Variants in ALOX5 observed in about 807,000 individuals in gnomAD.
ALOX5 encodes the protein polyunsaturated fatty acid 5-lipoxygenase.
In ALOX5, 64 loss-of-function variants were observed where a neutral mutation model predicts 87.9. The ratio of observed to expected loss-of-function variants is 0.73; its 90% CI spans 0.60 to 0.90. ALOX5 has a LOEUF of 0.90. Ranked by LOEUF, ALOX5 falls within the 40% of genes least tolerant of loss-of-function variation. The probability of loss-of-function intolerance (pLI) is 0.00; values close to 1 mark genes in which losing one functional copy is unlikely to be tolerated. For missense variants in ALOX5, 822 were observed against 907.5 expected (o/e 0.91, Z 1.21); for synonymous variants, 388 against 355.1 (o/e 1.09, Z -1.04).
chr10:45,413,377 T>C (rs1481388699), intron 4 of ALOX5, among the ~76,000 whole-genome samples: 1 of 152,166 alleles, frequency 6.6e-6, no homozygotes, highest in African/African-American at 2.4e-5. Flanking sequence ...AAAAGGCCTT[T>C]GACAAAATTC....
chr10:45,443,429 G>A lies in ALOX5; in HGVS notation c.1465G>A (p.Val489Met). ...WEAIRTFTAEVVDIYYEGDQV... is the reference protein window; with the variant it reads ...WEAIRTFTAEMVDIYYEGDQV... Reference sequence around the variant, plus strand: ...CCCCTGAGCCAGGTTCACGGCCGAGGTGGTAGACATCTACTACGAGGGCGA... The same window carrying A: ...CCCCTGAGCCAGGTTCACGGCCGAGATGGTAGACATCTACTACGAGGGCGA... The change falls in exon 11 of 14, where the codon GTG becomes ATG. Residue 489 changes from valine (V) to methionine (M), a missense_variant. Transcript: ENST00000374391. 3 of 1,607,304 alleles carry A rather than the reference G, an allele frequency of 1.9e-6. No homozygotes were observed. The highest frequency in any genetic ancestry group is 1.3e-5 in the African/African-American group (1 of 74,986).
At chr10:45,407,123 C>T (rs1386834018) in intron 3 of ALOX5, among the ~76,000 whole-genome samples, 1 of 152,068 alleles carries the variant, frequency 6.6e-6, no homozygotes, top group Non-Finnish European at 1.5e-5. Flanking sequence ...CAAACAAATT[C>T]CCCTGCCCTC....
chr10:45,422,868 C>T (rs1478804720), intron 4 of ALOX5, among the ~76,000 whole-genome samples: 1 of 152,208 alleles, frequency 6.6e-6, no homozygotes, highest in African/African-American at 2.4e-5. Context: ...GCCAGCCAAT[C>T]CACTTGCTGG....
At chr10:45,435,198 T>A (rs1388796615) in intron 7 of ALOX5, among the ~76,000 whole-genome samples, 1 of 150,744 alleles carries the variant, frequency 6.6e-6, no homozygotes, top group Non-Finnish European at 1.5e-5. Context: ...GGGAGAGTGA[T>A]GGGCTGAAAT....
intron 4 of ALOX5, among the ~76,000 whole-genome samples, chr10:45,416,103 A>G (rs1841280853): frequency 6.6e-6 from 1 of 152,198 alleles, no homozygotes; most frequent in Non-Finnish European, 1.5e-5. Flanking sequence ...CAGACTTCAA[A>G]GCTTAAAATA....
intron 3 of ALOX5, among the ~76,000 whole-genome samples, chr10:45,403,595 A>G (rs1840777619): frequency 6.6e-6 from 1 of 152,208 alleles, no homozygotes. Context: ...GTGCATATAT[A>G]CATATCCATA....
At chr10:45,434,212 T>A (rs1211513793) in intron 7 of ALOX5, among the ~76,000 whole-genome samples, 1 of 152,162 alleles carries the variant, frequency 6.6e-6, no homozygotes, top group African/African-American at 2.4e-5. Context: ...CTTTATTGTT[T>A]AAGTGTTCTG....
intron 4 of ALOX5, among the ~76,000 whole-genome samples, chr10:45,415,132 A>C (rs1201721945): frequency 6.6e-6 from 1 of 152,228 alleles, no homozygotes; most frequent in African/African-American, 2.4e-5. Flanking sequence ...AGACACATGC[A>C]CACGTATGTT....
chr10:45,441,229 C>G (rs1842224292), intron 8 of ALOX5, 115 bp from the exon 9 acceptor site: 2 of 858,248 alleles, frequency 2.3e-6, no homozygotes, highest in East Asian at 4.9e-5. Flanking sequence ...TTCACTTCCT[C>G]CCTGCGCCCA....
In ALOX5 at chr10:45,441,510, C is replaced by A. The variant is rs41519248; in HGVS notation, c.1272+80C>A. On this transcript the variant is annotated intron_variant, in intron 9 of 13. Coordinates refer to ENST00000374391, the MANE Select transcript of ALOX5 (RefSeq NM_000698.5). Reference sequence around the variant, plus strand: ...CACTCCCTATCTGAGATCTAGACACCCTTTCAGGAGGCCTGGAAGGGTGAA... The same window carrying A: ...CACTCCCTATCTGAGATCTAGACACACTTTCAGGAGGCCTGGAAGGGTGAA... The A allele has an allele frequency of 4.9e-6, 7 of 1,417,678 alleles. No homozygotes were observed. In the East Asian group the frequency reaches 1.2e-4, roughly 23 times the overall value. 87.8% of individuals were successfully genotyped at this position (1,417,678 alleles called of 1,614,324 possible).
chr10:45,397,498 G>T (rs1051939848), intron 3 of ALOX5, among the ~76,000 whole-genome samples: 1 of 152,162 alleles, frequency 6.6e-6, no homozygotes, highest in African/African-American at 2.4e-5. Flanking sequence ...GTACTGGAGG[G>T]TCTAGCCAGC....
chr10:45,434,315 ACCC>A (rs1345394838), intron 7 of ALOX5, among the ~76,000 whole-genome samples: 1 of 152,114 alleles, frequency 6.6e-6, no homozygotes, highest in Non-Finnish European at 1.5e-5. Flanking sequence ...ACATACCCAA[ACCC>A]CCAAGGCTCA....
intron 2 of ALOX5, among the ~76,000 whole-genome samples, chr10:45,394,458 G>A (rs1460000505): frequency 1.3e-5 from 2 of 152,226 alleles, no homozygotes; most frequent in Non-Finnish European, 1.5e-5. Flanking sequence ...ATTAATTCAA[G>A]GTGGATTAAA....
intron 6 of ALOX5, chr10:45,428,268 TTTTTTGGCATTTAACTCGTCACATCTA>T (rs1841799894): frequency 3.4e-6 from 1 of 297,130 alleles, no homozygotes; most frequent in South Asian, 6.6e-5. Context: ...GGCAGCATCA[TTTTTTGGCATTTAACTCGTCACATCTA>T]TTTCACCTAA....
chr10:45,397,650 C>CA (rs1342016501), intron 3 of ALOX5, among the ~76,000 whole-genome samples: 2 of 151,694 alleles, frequency 1.3e-5, no homozygotes, highest in Non-Finnish European at 2.9e-5. Flanking sequence ...ACTAATAAAC[C>CA]ACCAAGATTG....
intron 7 of ALOX5, among the ~76,000 whole-genome samples, chr10:45,429,115 A>G (rs1841831654): frequency 6.6e-6 from 1 of 152,164 alleles, no homozygotes; most frequent in African/African-American, 2.4e-5. Context: ...GAGGGGCACC[A>G]TGGGTTCTGG....
In ALOX5 at chr10:45,443,765, G is replaced by C. The variant is rs766134725; in HGVS notation, c.1611G>C (p.Ser537=). 2 of 1,612,298 alleles carry C rather than the reference G, an allele frequency of 1.2e-6. No homozygotes were observed. Among genetic ancestry groups the C allele is most frequent in the Non-Finnish European group, 1.7e-6 (2 of 1,179,462 alleles). The change falls in exon 12 of 14, where the codon TCG becomes TCC. Residue 537 remains serine, a synonymous_variant. Transcript: ENST00000374391. ...PKSVKSREQL[S]EYLTVVIFTA... ...CGGTCAAGAGCCGGGAGCAGCTGTCGGAGTACCTGACCGTGGTGATCTTCA... is the reference window on the plus strand; with the variant it reads ...CGGTCAAGAGCCGGGAGCAGCTGTCCGAGTACCTGACCGTGGTGATCTTCA...
intron 4 of ALOX5, among the ~76,000 whole-genome samples, chr10:45,418,073 G>A (rs1294076163): frequency 6.6e-6 from 1 of 152,220 alleles, no homozygotes; most frequent in East Asian, 1.9e-4. Context: ...GGGCCCTTCT[G>A]CCCCTCCTGG....
At chr10:45,429,628 G>A (rs879388024) in intron 7 of ALOX5, among the ~76,000 whole-genome samples, 2 of 152,212 alleles carry the variant, frequency 1.3e-5, no homozygotes, top group Admixed American at 1.3e-4. Context: ...CAATAGGTGA[G>A]GTTATTTAGA....
Sources: gnomAD v4.1 joint callset for allele counts (sites outside exome capture counted in the v4.1 genomes callset) on GRCh38, gnomAD v4.1.1 for gene constraint, MANE v1.5 for transcripts, NCBI Gene and HGNC (gene_info 2026-07-23, HGNC 2026-07-21) for gene names.